STAG2: variants seen among roughly 807,000 people sequenced by gnomAD.
STAG2 encodes the protein STAG2 cohesin complex component.
STAG2 carries 14 observed loss-of-function variants against 108.1 expected under a neutral mutation model. The observed-to-expected ratio is 0.13, with a 90% CI of 0.09 to 0.20. STAG2 has a LOEUF of 0.20. STAG2 is among the 10% of genes least tolerant of loss of function. The pLI is 1.00. For synonymous variants in STAG2, 307 were observed against 302.7 expected (o/e 1.01, Z -0.15); for missense variants, 440 against 940.9 (o/e 0.47, Z 6.96).
At chrX:124,073,094 G>A (rs2058713957) in intron 25 of STAG2, among the ~76,000 whole-genome samples, 1 of 108,975 alleles carries the variant, frequency 9.2e-6, no homozygotes, top group Non-Finnish European at 1.9e-5. Context: ...AGTGTTGTGG[G>A]CATGTAGAGT....
chrX:124,051,398 AGTAT>A lies in STAG2; in HGVS notation c.1196+9_1196+12del. The stretch of plus-strand genomic sequence containing the variant: ...AATTACTCACTCTTGTTTTACAGTA[AGTAT>A]GTATTTGTTGCATATTTGCACTAAT... On this transcript the variant is annotated splice_donor_5th_base_variant and intron_variant, in intron 13 of 34. Coordinates refer to ENST00000371145, the MANE Select transcript of STAG2 (RefSeq NM_001042750.2). The A allele has an allele frequency of 8.6e-7, 1 of 1,161,500 alleles. No homozygotes were observed. Among genetic ancestry groups the A allele is most frequent in the South Asian group, 1.9e-5 (1 of 53,018 alleles).
intron 1 of STAG2, among the ~76,000 whole-genome samples, chrX:123,983,969 C>CTTTTTTTTTT (rs1569493164): frequency 1.9e-4 from 12 of 64,631 alleles, no homozygotes; most frequent in African/African-American, 6.7e-4. Context: ...ATTTTCTTTT[C>CTTTTTTTTTT]TTTTCTTTTT....
intron 1 of STAG2, among the ~76,000 whole-genome samples, chrX:123,983,255 G>A (rs1165385787): frequency 9.2e-6 from 1 of 108,680 alleles, no homozygotes; most frequent in Non-Finnish European, 1.9e-5. Flanking sequence ...GTATTTAGAT[G>A]TATCTACTTT....
chrX:123,968,458 G>C (rs966869716), intron 1 of STAG2, among the ~76,000 whole-genome samples: 1 of 111,437 alleles, frequency 9.0e-6, no homozygotes, highest in African/African-American at 3.3e-5. Context: ...CCAGGAGTTT[G>C]AGACCATCCT....
intron 1 of STAG2, among the ~76,000 whole-genome samples, chrX:123,988,521 T>C (rs2055301391): frequency 9.0e-6 from 1 of 111,590 alleles, no homozygotes; most frequent in Non-Finnish European, 1.9e-5. Context: ...TATAAACTTC[T>C]ATGCCCATAG....
intron 5 of STAG2, among the ~76,000 whole-genome samples, chrX:124,032,553 G>A (rs754617216): frequency 1.8e-5 from 2 of 110,638 alleles, no homozygotes; most frequent in Admixed American, 9.7e-5. Flanking sequence ...CCTAGGAAGT[G>A]AGGGTAGTAT....
At chrX:123,989,491 C>T (rs1407638748) in intron 1 of STAG2, among the ~76,000 whole-genome samples, 2 of 111,275 alleles carry the variant, frequency 1.8e-5, no homozygotes, top group African/African-American at 6.5e-5. Flanking sequence ...TAATCATCCC[C>T]ATGGCTTTTA....
chrX:123,982,765 C>CT (rs10707101), intron 1 of STAG2, among the ~76,000 whole-genome samples: 35 of 49,997 alleles, frequency 7.0e-4, no homozygotes, highest in African/African-American at 2.2e-3. Context: ...TTTTTTTGCC[C>CT]TTTTTTTTTT....
chrX:123,990,207 G>A (rs1364312902), intron 1 of STAG2, among the ~76,000 whole-genome samples: 1 of 111,991 alleles, frequency 8.9e-6, no homozygotes, highest in East Asian at 2.8e-4. Context: ...GAGGTTTTCC[G>A]TTGGCCACTT....
intron 4 of STAG2, among the ~76,000 whole-genome samples, chrX:124,028,962 T>A (rs1231032595): frequency 1.1e-4 from 11 of 97,658 alleles, no homozygotes; most frequent in Admixed American, 2.2e-4. Flanking sequence ...CGTTTTAATA[T>A]TTATTTATTT....
intron 4 of STAG2, among the ~76,000 whole-genome samples, chrX:124,029,231 A>T (rs1260707496): frequency 9.3e-6 from 1 of 107,074 alleles, no homozygotes; most frequent in African/African-American, 3.4e-5. Context: ...GTTAGCCAGG[A>T]TGGTCTCGAT....
At chrX:124,009,422 GGT>G (rs1491412330) in intron 1 of STAG2, among the ~76,000 whole-genome samples, 25 of 83,661 alleles carry the variant, frequency 3.0e-4, no homozygotes, top group South Asian at 7.0e-4. Flanking sequence ...TAGGTAGGTA[GGT>G]AGGTAGGTAG....
At chrX:123,987,409 C>T (rs745462107) in intron 1 of STAG2, among the ~76,000 whole-genome samples, 1 of 110,899 alleles carries the variant, frequency 9.0e-6, no homozygotes. Flanking sequence ...CCACCATGCC[C>T]GGCTAATTTT....
At chrX:124,018,615 C>G (rs1051592999) in intron 1 of STAG2, among the ~76,000 whole-genome samples, 7 of 110,987 alleles carry the variant, frequency 6.3e-5, no homozygotes, top group African/African-American at 1.6e-4. Context: ...ATCTTCCTGC[C>G]TCAGCCTCCC....
At chrX:124,068,208 C>T (rs935123107) in intron 23 of STAG2, among the ~76,000 whole-genome samples, 2 of 111,443 alleles carry the variant, frequency 1.8e-5, no homozygotes, top group Non-Finnish European at 3.8e-5. Context: ...GTTGACCACC[C>T]TTGAAATAAT....
At chrX:124,036,541 C>T (rs2057522902) in intron 5 of STAG2, among the ~76,000 whole-genome samples, 1 of 110,615 alleles carries the variant, frequency 9.0e-6, no homozygotes, top group Admixed American at 9.7e-5. Context: ...TGCACCACCA[C>T]ACCCAGCTAA....
At chrX:124,073,457 A>T (rs2058725415) in intron 25 of STAG2, among the ~76,000 whole-genome samples, 2 of 110,823 alleles carry the variant, frequency 1.8e-5, no homozygotes, top group Admixed American at 9.6e-5. Context: ...TCACTGTGTC[A>T]CCCAGGCTGG....
intron 1 of STAG2, among the ~76,000 whole-genome samples, chrX:123,990,191 C>CCTCTA (rs1306059336): frequency 9.0e-6 from 1 of 111,650 alleles, no homozygotes; most frequent in African/African-American, 3.3e-5. Context: ...GTCCAAATAC[C>CCTCTA]CTCTAGAGGT....
At chrX:124,027,749 A>G (rs1362839636) in intron 4 of STAG2, among the ~76,000 whole-genome samples, 2 of 112,157 alleles carry the variant, frequency 1.8e-5, no homozygotes, top group Non-Finnish European at 3.8e-5. Context: ...TAGGTAGGAA[A>G]CTGAAGTCCA....
Sources: gnomAD v4.1 joint callset for allele counts (sites outside exome capture counted in the v4.1 genomes callset) on GRCh38, gnomAD v4.1.1 for gene constraint, MANE v1.5 for transcripts, NCBI Gene and HGNC (gene_info 2026-07-23, HGNC 2026-07-21) for gene names.